The following BMAL1 variants were observed in gnomAD, a reference collection of about 807,000 sequenced individuals.
The protein encoded by BMAL1 is basic helix-loop-helix ARNT-like protein 1.
chr11:13,279,974 C>T, the BMAL1 span, among the ~76,000 whole-genome samples: 1 of 152,198 alleles, frequency 6.6e-6, no homozygotes. Context: ...CTCTCATGGC[C>T]GTTCCAGTCG....
the BMAL1 span, among the ~76,000 whole-genome samples, chr11:13,334,284 G>T: frequency 6.6e-6 from 1 of 152,206 alleles, no homozygotes; most frequent in Non-Finnish European, 1.5e-5. Context: ...CCAAAAATAA[G>T]CCCATGGTGC....
chr11:13,307,304 G>A, the BMAL1 span, among the ~76,000 whole-genome samples: 75 of 152,322 alleles, frequency 4.9e-4, 3 homozygotes, highest in South Asian at 0.015. Context: ...CACTGTATGG[G>A]GTTGTGATTG....
the BMAL1 span, among the ~76,000 whole-genome samples, chr11:13,363,046 C>T: frequency 6.9e-6 from 1 of 144,712 alleles, no homozygotes; most frequent in African/African-American, 2.5e-5. Flanking sequence ...TGGCATTGTT[C>T]TAGGAACATC....
At chr11:13,308,361 C>T in the BMAL1 span, among the ~76,000 whole-genome samples, 1 of 152,080 alleles carries the variant, frequency 6.6e-6, no homozygotes, top group Non-Finnish European at 1.5e-5. Flanking sequence ...GTCAGGAGTT[C>T]AGAGCAGGGG....
the BMAL1 span, among the ~76,000 whole-genome samples, chr11:13,381,875 A>C: frequency 2.6e-5 from 4 of 152,152 alleles, 1 homozygote; most frequent in East Asian, 7.7e-4. Context: ...GCCCATCTTA[A>C]TCGTAAATTA....
chr11:13,304,109 C>G, the BMAL1 span, among the ~76,000 whole-genome samples: 1 of 152,008 alleles, frequency 6.6e-6, no homozygotes, highest in Admixed American at 6.6e-5. Flanking sequence ...AGAGCCAGAA[C>G]ATAGAGTTTT....
At chr11:13,365,320 C>CA in the BMAL1 span, 1 of 481,294 alleles carries the variant, frequency 2.1e-6, no homozygotes, top group African/African-American at 2.0e-5. Context: ...CACACACACA[C>CA]AATCTTACAG....
At chr11:13,277,797 C>A in the BMAL1 span, 1 of 152,436 alleles carries the variant, frequency 6.6e-6, no homozygotes, top group East Asian at 1.9e-4. Context: ...GTTAGTGGTG[C>A]GACATTTAGG....
chr11:13,284,424 A>G, the BMAL1 span, among the ~76,000 whole-genome samples: 2 of 151,206 alleles, frequency 1.3e-5, no homozygotes, highest in Non-Finnish European at 2.9e-5. Context: ...TCAAAGAATA[A>G]AAGGATAATA....
At chr11:13,357,076 A>G in the BMAL1 span, 1 of 1,614,232 alleles carries the variant, frequency 6.2e-7, no homozygotes, top group Non-Finnish European at 8.5e-7. This position sits in a 1 kb window ranked among gnomAD's most constrained non-coding sequence, Gnocchi z 4.8. Flanking sequence ...CAGAACACCA[A>G]GGAAGGATAA....
the BMAL1 span, among the ~76,000 whole-genome samples, chr11:13,333,865 G>A: frequency 1.3e-5 from 2 of 152,208 alleles, no homozygotes; most frequent in African/African-American, 4.8e-5. Context: ...CAGCTTAGAA[G>A]TTTGAAGGTA....
At chr11:13,295,049 G>A in the BMAL1 span, among the ~76,000 whole-genome samples, 2 of 152,244 alleles carry the variant, frequency 1.3e-5, no homozygotes, top group Non-Finnish European at 2.9e-5. Flanking sequence ...GCAGGGAAGG[G>A]CTAGGGGTGC....
the BMAL1 span, chr11:13,385,572 C>T: frequency 1.2e-5 from 8 of 672,632 alleles, no homozygotes; most frequent in East Asian, 2.7e-5. Context: ...TGAAATCATC[C>T]AATAGAAAAC....
chr11:13,355,115 C>T, the BMAL1 span: 2 of 910,304 alleles, frequency 2.2e-6, no homozygotes, highest in Non-Finnish European at 3.3e-6. Flanking sequence ...TTTGCCGAAG[C>T]ACCTGCGTGG....
chr11:13,300,055 G>T, the BMAL1 span, among the ~76,000 whole-genome samples: 97 of 152,294 alleles, frequency 6.4e-4, no homozygotes, highest in African/African-American at 2.3e-3. Context: ...TGGAATTCCT[G>T]CATTGACCTT....
At chr11:13,386,023 A>G in the BMAL1 span, among the ~76,000 whole-genome samples, 1 of 152,244 alleles carries the variant, frequency 6.6e-6, no homozygotes, top group Non-Finnish European at 1.5e-5. Flanking sequence ...CTACCTAGAC[A>G]TAGGCTTTCT....
the BMAL1 span, among the ~76,000 whole-genome samples, chr11:13,284,266 ATT>A: frequency 8.9e-5 from 4 of 44,880 alleles, no homozygotes; most frequent in African/African-American, 2.4e-4. Context: ...ATATATATAT[ATT>A]TTTTTTTTTA....
At chr11:13,382,260 T>C in the BMAL1 span, among the ~76,000 whole-genome samples, 15 of 149,038 alleles carry the variant, frequency 1.0e-4, no homozygotes, top group Admixed American at 8.8e-4. Flanking sequence ...CCAAAAAAGG[T>C]TGAAAGTTAA....
At chr11:13,329,087 G>A in the BMAL1 span, among the ~76,000 whole-genome samples, 5 of 152,144 alleles carry the variant, frequency 3.3e-5, no homozygotes, top group African/African-American at 1.2e-4. Context: ...AAGACAGAGA[G>A]GGTCTCCGCT....
Sources: allele counts gnomAD v4.1 joint callset (sites outside exome capture counted in the v4.1 genomes callset), GRCh38; gene constraint gnomAD v4.1.1; non-coding constraint Gnocchi (gnomAD v3.1); transcripts MANE v1.5; gene names NCBI Gene and HGNC (gene_info 2026-07-23, HGNC 2026-07-21).